GPC5: variants seen among roughly 807,000 people sequenced by gnomAD.
GPC5 encodes glypican-5.
In GPC5, 47 loss-of-function variants were observed where a neutral mutation model predicts 53.9. The observed-to-expected ratio is 0.87, with a 90% CI of 0.69 to 1.11. The LOEUF (loss-of-function observed/expected upper bound fraction) is 1.11, where lower values mean the gene tolerates loss of function less well. Ranked by LOEUF, GPC5 falls within the 50% of genes most tolerant of loss-of-function variation. The probability of loss-of-function intolerance (pLI) is 0.00; values close to 1 mark genes in which losing one functional copy is unlikely to be tolerated. For synonymous variants in GPC5, 286 were observed against 263.3 expected (o/e 1.09, Z -0.84); for missense variants, 748 against 713.1 (o/e 1.05, Z -0.56).
chr13:91,948,496 C>G (rs2039996457), intron 6 of GPC5, among the ~76,000 whole-genome samples: 1 of 151,664 alleles, frequency 6.6e-6, no homozygotes, highest in Admixed American at 6.6e-5. Flanking sequence ...ACGGTCTAAT[C>G]TGGGAAAGAA....
At chr13:91,861,008 AC>A (rs1490320919) in intron 5 of GPC5, among the ~76,000 whole-genome samples, 2 of 152,158 alleles carry the variant, frequency 1.3e-5, no homozygotes, top group African/African-American at 2.4e-5. Context: ...GTGATTTACA[AC>A]TATTTGGGGG....
Position 91,802,164 on chromosome 13 carries a change from C to G in GPC5, c.1280+45744C>G, listed in dbSNP as rs575001288. 3.3e-5 allele frequency among the ~76,000 whole-genome samples: 5 copies of G among 152,018 alleles called. No homozygotes were observed. The South Asian group carries it at 1.0e-3, about 32-fold the overall frequency. ...CTTCAAGAATGAAGCTGCGGACCCT[C>G]GTGGTGAGTGTTACAGTTCTCAAAG... On this transcript the variant is annotated intron_variant, in intron 5 of 7. Coordinates refer to ENST00000377067, the MANE Select transcript of GPC5 (RefSeq NM_004466.6).
At chr13:92,588,085 C>A (rs1322914279) in intron 7 of GPC5, among the ~76,000 whole-genome samples, 2 of 152,044 alleles carry the variant, frequency 1.3e-5, no homozygotes, top group African/African-American at 4.8e-5. Context: ...TTCCCTCCAG[C>A]CCCCAACAGG....
intron 2 of GPC5, among the ~76,000 whole-genome samples, chr13:91,514,991 G>C (rs997712213): frequency 2.6e-5 from 4 of 152,308 alleles, no homozygotes; most frequent in Admixed American, 2.6e-4. Flanking sequence ...CATTTTAAGT[G>C]ATATTAGTTG....
chr13:92,046,798 A>G (rs1193718332), intron 6 of GPC5, among the ~76,000 whole-genome samples: 1 of 152,242 alleles, frequency 6.6e-6, no homozygotes, highest in South Asian at 2.1e-4. Context: ...ACACACTTGT[A>G]TCTTACCTCT....
chr13:92,127,362 A>G (rs952638881), intron 6 of GPC5, among the ~76,000 whole-genome samples: 1 of 151,398 alleles, frequency 6.6e-6, no homozygotes, highest in Non-Finnish European at 1.5e-5. Flanking sequence ...CTGATACTTA[A>G]TGTATAAATT....
intron 6 of GPC5, among the ~76,000 whole-genome samples, chr13:91,930,796 A>G (rs1317267986): frequency 6.6e-6 from 1 of 152,060 alleles, no homozygotes; most frequent in East Asian, 1.9e-4. Context: ...AGGCACTTCA[A>G]CATGTCAGCT....
At chr13:91,736,156 G>A (rs1385799874) in intron 4 of GPC5, among the ~76,000 whole-genome samples, 1 of 151,182 alleles carries the variant, frequency 6.6e-6, no homozygotes, top group East Asian at 1.9e-4. Context: ...GAAAGAGGGT[G>A]AGGGATGAAT....
intron 6 of GPC5, among the ~76,000 whole-genome samples, chr13:91,983,459 G>A (rs772434114): frequency 6.6e-6 from 1 of 152,128 alleles, no homozygotes; most frequent in Non-Finnish European, 1.5e-5. Flanking sequence ...GCTGATGCTG[G>A]AGAGCTGTAT....
At chr13:92,142,426 T>C (rs2041838457) in intron 6 of GPC5, among the ~76,000 whole-genome samples, 1 of 152,180 alleles carries the variant, frequency 6.6e-6, no homozygotes, top group African/African-American at 2.4e-5. Context: ...AAAATATAGT[T>C]TTGTGTAGTT....
intron 7 of GPC5, among the ~76,000 whole-genome samples, chr13:92,222,585 C>A (rs2042457664): frequency 6.6e-6 from 1 of 152,082 alleles, no homozygotes; most frequent in Non-Finnish European, 1.5e-5. Flanking sequence ...TTTTTTCTTG[C>A]CATCCTTAAG....
At chr13:91,693,962 G>T in intron 3 of GPC5, 81 bp downstream of exon 3, 2 of 1,043,594 alleles carry the variant, frequency 1.9e-6, no homozygotes, top group African/African-American at 3.2e-5. Flanking sequence ...AATAGTAGGA[G>T]AATGTGTCTG....
intron 6 of GPC5, among the ~76,000 whole-genome samples, chr13:91,916,363 T>C (rs900675449): frequency 5.3e-5 from 8 of 152,306 alleles, no homozygotes; most frequent in African/African-American, 1.9e-4. Context: ...ATGTTGTTCA[T>C]ATTATCCAAA....
chr13:92,066,260 C>T (rs1397346885), intron 6 of GPC5, among the ~76,000 whole-genome samples: 1 of 151,826 alleles, frequency 6.6e-6, no homozygotes, highest in Non-Finnish European at 1.5e-5. Context: ...TACTCAGATC[C>T]TATAAAGTGA....
At chr13:92,663,006 A>G (rs1334192937) in intron 7 of GPC5, among the ~76,000 whole-genome samples, 1 of 152,206 alleles carries the variant, frequency 6.6e-6, no homozygotes, top group African/African-American at 2.4e-5. Flanking sequence ...AACCAAACAC[A>G]TGATCACTAC....
intron 6 of GPC5, among the ~76,000 whole-genome samples, chr13:92,110,401 C>A (rs1049349546): frequency 1.3e-5 from 2 of 152,132 alleles, no homozygotes; most frequent in African/African-American, 4.8e-5. Context: ...TGCTAAAAAT[C>A]TGAAATGGCC....
chr13:92,042,973 T>C (rs1055911007), intron 6 of GPC5, among the ~76,000 whole-genome samples: 1 of 152,076 alleles, frequency 6.6e-6, no homozygotes, highest in Admixed American at 6.6e-5. Flanking sequence ...TAAACAGATA[T>C]GAAAACTTCA....
chr13:92,342,314 A>G (rs1362542451), intron 7 of GPC5, among the ~76,000 whole-genome samples: 1 of 152,142 alleles, frequency 6.6e-6, no homozygotes, highest in Non-Finnish European at 1.5e-5. Flanking sequence ...ACTCATTTCC[A>G]TGAACTGGCT....
intron 7 of GPC5, among the ~76,000 whole-genome samples, chr13:92,296,723 C>T (rs534721376): frequency 3.3e-5 from 5 of 152,302 alleles, no homozygotes; most frequent in South Asian, 4.1e-4. Flanking sequence ...GCTGGAGTTC[C>T]GTGTGGGCGT....
Sources: gnomAD v4.1 joint callset for allele counts (sites outside exome capture counted in the v4.1 genomes callset) on GRCh38, gnomAD v4.1.1 for gene constraint, MANE v1.5 for transcripts, NCBI Gene and HGNC (gene_info 2026-07-23, HGNC 2026-07-21) for gene names.